DPYD: variants seen among roughly 807,000 people sequenced by gnomAD.
DPYD encodes the protein dihydropyrimidine dehydrogenase [NADP(+)].
Under a neutral mutation model 116.2 loss-of-function variants are expected in DPYD, and 109 were observed. The observed-to-expected ratio is 0.94, with a 90% CI of 0.80 to 1.10. The LOEUF (loss-of-function observed/expected upper bound fraction) is 1.10, where lower values mean the gene tolerates loss of function less well. Ranked by LOEUF, DPYD falls within the 50% of genes least tolerant of loss-of-function variation. The pLI is 0.00. For synonymous variants in DPYD, 440 were observed against 432.0 expected (o/e 1.02, Z -0.23); for missense variants, 1,302 against 1,254.5 (o/e 1.04, Z -0.57).
At chr1:97,898,009 T>C (rs551801660) in intron 1 of DPYD, among the ~76,000 whole-genome samples, 3 of 151,854 alleles carry the variant, frequency 2.0e-5, no homozygotes, top group South Asian at 4.2e-4. Context: ...GAAAATGATT[T>C]GATCCTCTCA....
At chr1:97,783,796 G>A (rs1666880080) in intron 3 of DPYD, among the ~76,000 whole-genome samples, 1 of 152,194 alleles carries the variant, frequency 6.6e-6, no homozygotes, top group Non-Finnish European at 1.5e-5. Context: ...CTCATTCAGA[G>A]AAAGGCTACA....
At chr1:97,877,456 A>C (rs1671980758) in intron 2 of DPYD, among the ~76,000 whole-genome samples, 1 of 152,020 alleles carries the variant, frequency 6.6e-6, no homozygotes, top group African/African-American at 2.4e-5. Flanking sequence ...GTTCAGTTAC[A>C]AGAAAATAAA....
At chr1:97,366,652 T>A (rs1671057694) in intron 16 of DPYD, among the ~76,000 whole-genome samples, 1 of 152,168 alleles carries the variant, frequency 6.6e-6, no homozygotes, top group African/African-American at 2.4e-5. Context: ...ACATTCAGGA[T>A]AATTCTCCAC....
chr1:97,843,114 ACTTCT>A (rs1050194799), intron 2 of DPYD, among the ~76,000 whole-genome samples: 5 of 152,088 alleles, frequency 3.3e-5, no homozygotes, highest in Middle Eastern at 3.4e-3. Flanking sequence ...CATCATCCTG[ACTTCT>A]CTTAAGTCTC....
At chr1:97,280,831 G>A (rs1040159293) in intron 18 of DPYD, among the ~76,000 whole-genome samples, 6 of 152,008 alleles carry the variant, frequency 3.9e-5, no homozygotes, top group Non-Finnish European at 7.4e-5. Flanking sequence ...TACACAGTAG[G>A]GAGATTACAG....
At chr1:97,457,182 T>TA (rs1175566761) in intron 13 of DPYD, among the ~76,000 whole-genome samples, 1 of 143,186 alleles carries the variant, frequency 7.0e-6, no homozygotes, top group African/African-American at 2.5e-5. Context: ...TGATTAGGCT[T>TA]AAAAGACGGG....
chr1:97,515,856 A>G lies in DPYD; in HGVS notation c.1610T>C (p.Met537Thr). ...PIDLVDISVEMAGLKFINPFG... is the reference protein window; with the variant it reads ...PIDLVDISVETAGLKFINPFG... Reference sequence around the variant, plus strand: ...AGGATTTATAAACTTCAATCCGGCCATTTCTACACTAATGTCCACCAGATC... The same window carrying G: ...AGGATTTATAAACTTCAATCCGGCCGTTTCTACACTAATGTCCACCAGATC... Residue 537 changes from methionine (M) to threonine (T), a missense_variant, in exon 13 of 23, where the codon ATG (methionine) becomes ACG (threonine). By Grantham distance (81) the Met-to-Thr change is moderately conservative (BLOSUM62 -1). Transcript: ENST00000370192. The G allele has an allele frequency of 6.2e-7, 1 of 1,612,984 alleles. No individual in the cohort carries two copies. Among genetic ancestry groups the G allele is most frequent in the Non-Finnish European group, 8.5e-7 (1 of 1,179,284 alleles).
chr1:97,580,556 T>C (rs114810366), intron 10 of DPYD, among the ~76,000 whole-genome samples: 19 of 152,312 alleles, frequency 1.2e-4, no homozygotes, highest in African/African-American at 3.8e-4. Context: ...AAAATCAGCA[T>C]TTGTAGGTAA....
At chr1:97,398,188 C>T (rs967679285) in intron 14 of DPYD, among the ~76,000 whole-genome samples, 7 of 152,068 alleles carry the variant, frequency 4.6e-5, no homozygotes, top group East Asian at 1.9e-4. Context: ...TGAGTGAGAA[C>T]ATGCGGTGTT....
At chr1:97,340,479 G>A (rs1669536144) in intron 16 of DPYD, among the ~76,000 whole-genome samples, 1 of 152,044 alleles carries the variant, frequency 6.6e-6, no homozygotes, top group Non-Finnish European at 1.5e-5. Context: ...AGACCAGCCT[G>A]GGCAACATAG....
At chr1:97,573,057 A>G (rs1345504747) in intron 11 of DPYD, among the ~76,000 whole-genome samples, 1 of 152,030 alleles carries the variant, frequency 6.6e-6, no homozygotes, top group Non-Finnish European at 1.5e-5. Flanking sequence ...ATGTGAATTA[A>G]AAGGTAAAAG....
At chr1:97,206,648 A>G (rs5776354) in intron 19 of DPYD, among the ~76,000 whole-genome samples, 999 of 45,456 alleles carry the variant, frequency 0.022, 19 homozygotes, top group African/African-American at 0.18. Context: ...TTATATATAT[A>G]TATATATATA....
At chr1:97,327,013 A>G (rs111868308) in intron 16 of DPYD, among the ~76,000 whole-genome samples, 245 of 152,196 alleles carry the variant, frequency 1.6e-3, no homozygotes, top group African/African-American at 5.8e-3. Context: ...TGTGGTTTAA[A>G]CAACATCCTG....
chr1:97,578,032 G>C (rs1192338911), intron 10 of DPYD, among the ~76,000 whole-genome samples: 2 of 151,932 alleles, frequency 1.3e-5, no homozygotes, highest in Non-Finnish European at 2.9e-5. Flanking sequence ...TTTTAGTAGA[G>C]ACGGGGTTTC....
chr1:97,777,859 T>C (rs1281073592), intron 3 of DPYD, among the ~76,000 whole-genome samples: 1 of 151,728 alleles, frequency 6.6e-6, no homozygotes, highest in Non-Finnish European at 1.5e-5. Flanking sequence ...TAAGATTACA[T>C]CAGAAAATAG....
At chr1:97,617,514 C>T (rs766613177) in intron 8 of DPYD, among the ~76,000 whole-genome samples, 16 of 152,102 alleles carry the variant, frequency 1.1e-4, no homozygotes, top group Non-Finnish European at 2.4e-4. Context: ...GGATCTTTGG[C>T]TTCTGGTGGT....
intron 6 of DPYD, among the ~76,000 whole-genome samples, chr1:97,697,772 A>G (rs1661387327): frequency 6.6e-6 from 1 of 152,080 alleles, no homozygotes; most frequent in Non-Finnish European, 1.5e-5. Context: ...TTGAGTTAAA[A>G]AAGAGATAGG....
At chr1:97,377,015 G>C (rs1239773563) in intron 15 of DPYD, among the ~76,000 whole-genome samples, 1 of 124,736 alleles carries the variant, frequency 8.0e-6, no homozygotes, top group African/African-American at 3.0e-5. Flanking sequence ...CTCAAAAAAA[G>C]AAAAAAAAAA....
chr1:97,254,869 A>T (rs1352763988), intron 18 of DPYD, among the ~76,000 whole-genome samples: 8 of 152,188 alleles, frequency 5.3e-5, no homozygotes, highest in Admixed American at 4.6e-4. Context: ...GTGTATGTCA[A>T]GAGGCCAAGA....
Sources: gnomAD v4.1 joint callset for allele counts (sites outside exome capture counted in the v4.1 genomes callset) on GRCh38, gnomAD v4.1.1 for gene constraint, MANE v1.5 for transcripts, NCBI Gene and HGNC (gene_info 2026-07-23, HGNC 2026-07-21) for gene names.